Variants in LDLRAD3 observed in about 807,000 individuals in gnomAD.
The protein encoded by LDLRAD3 is low density lipoprotein receptor class A domain containing 3, also known as low-density lipoprotein receptor class A domain-containing protein 3.
Under a neutral mutation model 29.4 loss-of-function variants are expected in LDLRAD3, and 20 were observed. That is an observed-to-expected ratio of 0.68 (90% confidence interval 0.48 to 0.99). The LOEUF is 0.99. Among genes scored for constraint, LDLRAD3 ranks in the 50% least tolerant of loss-of-function variants. LDLRAD3 has a pLI of 0.00. For missense variants in LDLRAD3, 420 were observed against 454.3 expected, an observed-to-expected ratio of 0.92 and a Z score of 0.69; for synonymous variants, 157 against 192.7, an observed-to-expected ratio of 0.81 and a Z score of 1.53.
At chr11:36,170,110 A>G (rs1374769487) in intron 4 of LDLRAD3, among the ~76,000 whole-genome samples, 2 of 151,998 alleles carry the variant, frequency 1.3e-5, no homozygotes, top group Non-Finnish European at 2.9e-5. Flanking sequence ...GTAAGTGAGA[A>G]CATATGATGT....
rs555836974 is a variant in LDLRAD3 at position 36,054,875 on chromosome 11, G to A, written c.193+18626G>A. ...TGGATGGATGGATGGATGAATGGAT[G>A]GATGGATGCCTGGATGGATGGATGA... On this transcript the variant is annotated intron_variant, in intron 2 of 5. Transcript: ENST00000315571. Among the ~76,000 whole-genome samples, 490 of 150,228 alleles carry A rather than the reference G, an allele frequency of 3.3e-3. 5 individuals carry two copies. The highest frequency in any genetic ancestry group is 5.7e-3 in the Non-Finnish European group (386 of 67,344).
At chr11:36,025,149 G>A (rs750005601) in intron 1 of LDLRAD3, among the ~76,000 whole-genome samples, 4 of 152,078 alleles carry the variant, frequency 2.6e-5, no homozygotes, top group Non-Finnish European at 4.4e-5. Flanking sequence ...CTTTTATCTC[G>A]CATTCCTTTG....
intron 4 of LDLRAD3, among the ~76,000 whole-genome samples, chr11:36,106,057 G>T (rs372045055): frequency 1.3e-5 from 2 of 152,186 alleles, no homozygotes; most frequent in Non-Finnish European, 2.9e-5. Context: ...ACAGTTGCCG[G>T]TAAAGAATCC....
intron 1 of LDLRAD3, among the ~76,000 whole-genome samples, chr11:35,945,169 A>G (rs1851040937): frequency 6.6e-6 from 1 of 152,198 alleles, no homozygotes; most frequent in Admixed American, 6.5e-5. Flanking sequence ...TGCCATCCAC[A>G]TGTCCAATAG....
chr11:36,148,824 C>A (rs1854234255), intron 4 of LDLRAD3, among the ~76,000 whole-genome samples: 1 of 152,214 alleles, frequency 6.6e-6, no homozygotes, highest in Non-Finnish European at 1.5e-5. Flanking sequence ...GTGAAGGAGG[C>A]ATCCCCTGGC....
intron 4 of LDLRAD3, among the ~76,000 whole-genome samples, chr11:36,107,634 C>T (rs1260089292): frequency 6.6e-6 from 1 of 152,164 alleles, no homozygotes; most frequent in East Asian, 1.9e-4. Flanking sequence ...CAAATACTTG[C>T]CATTGTGTTA....
intron 2 of LDLRAD3, among the ~76,000 whole-genome samples, chr11:36,068,517 GCTT>G (rs1852835188): frequency 6.6e-6 from 1 of 152,056 alleles, no homozygotes; most frequent in Admixed American, 6.5e-5. Context: ...AAACCTGGAT[GCTT>G]CTTTTCTTTT....
At chr11:36,091,171 G>C (rs1379703621) in intron 3 of LDLRAD3, among the ~76,000 whole-genome samples, 1 of 152,212 alleles carries the variant, frequency 6.6e-6, no homozygotes, top group Non-Finnish European at 1.5e-5. Flanking sequence ...TATGAGGTTG[G>C]GAAGTGAGTG....
intron 4 of LDLRAD3, among the ~76,000 whole-genome samples, chr11:36,164,698 T>G (rs1854490625): frequency 6.6e-6 from 1 of 152,250 alleles, no homozygotes; most frequent in Non-Finnish European, 1.5e-5. Flanking sequence ...TCTACTGGCT[T>G]AAAGCTGACA....
At chr11:36,051,695 G>T (rs557393720) in intron 2 of LDLRAD3, among the ~76,000 whole-genome samples, 1 of 151,998 alleles carries the variant, frequency 6.6e-6, no homozygotes. Flanking sequence ...ATAAATTTTC[G>T]GAATGAATAA....
At chr11:36,007,458 T>A (rs1444143085) in intron 1 of LDLRAD3, among the ~76,000 whole-genome samples, 2 of 152,132 alleles carry the variant, frequency 1.3e-5, no homozygotes, top group Non-Finnish European at 2.9e-5. Context: ...GATCACCCTC[T>A]GGTAGGGAGG....
intron 1 of LDLRAD3, among the ~76,000 whole-genome samples, chr11:36,002,043 C>G (rs1161714743): frequency 6.6e-6 from 1 of 152,184 alleles, no homozygotes; most frequent in South Asian, 2.1e-4. Flanking sequence ...CAAAGGGCCC[C>G]TTTTGCTGGG....
intron 4 of LDLRAD3, among the ~76,000 whole-genome samples, chr11:36,148,649 G>A (rs1854232374): frequency 6.6e-6 from 1 of 152,148 alleles, no homozygotes; most frequent in South Asian, 2.1e-4. Context: ...GGGGTTTTCT[G>A]CAGTCTCAGA....
At chr11:36,026,684 TTG>T (rs1852171372) in intron 1 of LDLRAD3, among the ~76,000 whole-genome samples, 1 of 152,240 alleles carries the variant, frequency 6.6e-6, no homozygotes, top group African/African-American at 2.4e-5. Context: ...GTCGTCCTCA[TTG>T]CTCATTATAT....
chr11:36,041,519 CA>C (rs2133214864), intron 2 of LDLRAD3, among the ~76,000 whole-genome samples: 1 of 152,342 alleles, frequency 6.6e-6, no homozygotes, highest in African/African-American at 2.4e-5. Flanking sequence ...CTAAAAACGT[CA>C]ATAATGGTTT....
At chr11:36,215,749 C>T (rs1380527460) in intron 4 of LDLRAD3, among the ~76,000 whole-genome samples, 1 of 152,134 alleles carries the variant, frequency 6.6e-6, no homozygotes, top group East Asian at 1.9e-4. Flanking sequence ...CCTTGGGAGC[C>T]CTGCTTACAG....
At chr11:35,970,348 A>C (rs996354564) in intron 1 of LDLRAD3, among the ~76,000 whole-genome samples, 12 of 152,172 alleles carry the variant, frequency 7.9e-5, no homozygotes, top group African/African-American at 2.7e-4. Context: ...ACACTCACAG[A>C]GGGAAGATGG....
intron 1 of LDLRAD3, among the ~76,000 whole-genome samples, chr11:36,002,919 G>A (rs1851841918): frequency 6.6e-6 from 1 of 152,182 alleles, no homozygotes; most frequent in South Asian, 2.1e-4. Context: ...CCGTACAACA[G>A]TGCCCATTTT....
intron 2 of LDLRAD3, among the ~76,000 whole-genome samples, chr11:36,059,802 C>G (rs1017900091): frequency 1.3e-5 from 2 of 152,134 alleles, no homozygotes; most frequent in African/African-American, 4.8e-5. Flanking sequence ...TTCATCCTCC[C>G]CTGACTAGAG....
Sources: gnomAD v4.1 joint callset for allele counts (sites outside exome capture counted in the v4.1 genomes callset) on GRCh38, gnomAD v4.1.1 for gene constraint, MANE v1.5 for transcripts, NCBI Gene and HGNC (gene_info 2026-07-23, HGNC 2026-07-21) for gene names.